The following CDH3 variants were observed in gnomAD, a reference collection of about 807,000 sequenced individuals.
CDH3 encodes the protein cadherin 3, also known as cadherin-3.
A neutral mutation model predicts 82.0 loss-of-function variants in CDH3; 54 were observed. The observed-to-expected ratio is 0.66, with a 90% CI of 0.53 to 0.83. The LOEUF is 0.83. Ranked by LOEUF, CDH3 falls within the 40% of genes least tolerant of loss-of-function variation. CDH3 has a pLI of 0.00. For synonymous variants in CDH3, 446 were observed against 437.9 expected, an observed-to-expected ratio of 1.02 and a Z score of -0.23; for missense variants, 1,054 against 1,084.6, an observed-to-expected ratio of 0.97 and a Z score of 0.40.
chr16:68,724,570 T>G (rs756051152), intron 2 of CDH3, among the ~76,000 whole-genome samples: 1 of 151,526 alleles, frequency 6.6e-6, no homozygotes, highest in African/African-American at 2.4e-5. Context: ...AAGGTTGCAG[T>G]GAGCTATGAT....
intron 2 of CDH3, among the ~76,000 whole-genome samples, chr16:68,673,552 G>C (rs1169367569): frequency 1.3e-5 from 2 of 151,430 alleles, no homozygotes; most frequent in Non-Finnish European, 2.9e-5. Flanking sequence ...TCAAACTCAT[G>C]GGCTCAAATG....
At position 68,668,357 on chromosome 16, in the gene CDH3, A is replaced by G. The variant is rs146712116; in HGVS notation, c.161-8028A>G. On this transcript the variant is annotated intron_variant, in intron 2 of 15. Coordinates refer to ENST00000264012, the MANE Select transcript of CDH3 (RefSeq NM_001793.6). ...CAGGAGTCAGTTTACTTCGCTGACT[A>G]TTAAAAGATGGGGTAAAGGAGGGAT... Among the ~76,000 whole-genome samples, 19 of 152,288 alleles carry G rather than the reference A, an allele frequency of 1.2e-4. No homozygotes were observed. In the East Asian group the frequency reaches 3.5e-3, roughly 28 times the overall value.
In CDH3 at chr16:68,678,887, C is replaced by A; in HGVS notation, c.672C>A (p.Val224=). Residue 224 remains valine, a synonymous_variant, in exon 6 of 16, where the codon GTC becomes GTA. Transcript: ENST00000264012. ...CCCAGGACACCTTCCGAGGGAGTGTCTTAGAGGGAGTCCTACCAGGTAAGA... is the reference window on the plus strand; with the variant it reads ...CCCAGGACACCTTCCGAGGGAGTGTATTAGAGGGAGTCCTACCAGGTAAGA... The part of the protein sequence containing the change: ...KFTQDTFRGS[V]LEGVLPGTSV... The A allele has an allele frequency of 6.2e-7, 1 of 1,613,926 alleles. No individual in the cohort carries two copies. The highest frequency in any genetic ancestry group is 1.1e-5 in the South Asian group (1 of 91,086).
chr16:68,693,365 G>A (rs868799573), intron 13 of CDH3, among the ~76,000 whole-genome samples: 5 of 152,108 alleles, frequency 3.3e-5, no homozygotes, highest in Non-Finnish European at 5.9e-5. Flanking sequence ...AAAGGTGATG[G>A]GAGGCTCAGG....
chr16:68,720,983 C>T (rs1444725096), intron 1 of CDH3, among the ~76,000 whole-genome samples: 1 of 152,114 alleles, frequency 6.6e-6, no homozygotes, highest in African/African-American at 2.4e-5. Flanking sequence ...CCTTATACCA[C>T]TCCTAGATGG....
At chr16:68,685,158 G>T in intron 10 of CDH3, 47 bp from the exon 11 acceptor site, 1 of 1,608,090 alleles carries the variant, frequency 6.2e-7, no homozygotes. Flanking sequence ...GATGACATCA[G>T]AATTCTAAAT....
chr16:68,660,717 G>A (rs1212910788), intron 2 of CDH3, among the ~76,000 whole-genome samples: 1 of 152,164 alleles, frequency 6.6e-6, no homozygotes, highest in Non-Finnish European at 1.5e-5. Flanking sequence ...CCAGCACTCT[G>A]GGAGGCCGAG....
At position 68,698,305 on chromosome 16, in the gene CDH3, G is replaced by A. The variant is rs144117679; in HGVS notation, c.2395G>A (p.Ala799Thr). Residue 799 changes from alanine (A) to threonine (T), a missense_variant, in exon 16 of 16, where the codon GCC (alanine) becomes ACC (threonine). Transcript: ENST00000264012. ...AASLSSLTSS[A>T]SDQDQDYDYL... Reference sequence around the variant, plus strand: ...GTCCCTGAGCTCCCTCACCTCCTCCGCCTCCGACCAAGACCAAGATTACGA... The same window carrying A: ...GTCCCTGAGCTCCCTCACCTCCTCCACCTCCGACCAAGACCAAGATTACGA... 8.0e-5 allele frequency: 129 copies of A among 1,614,090 alleles called. No homozygotes were observed. The highest frequency in any genetic ancestry group is 1.0e-4 in the Non-Finnish European group (121 of 1,180,044).
chr16:68,678,072 G>A (rs1364311836), intron 3 of CDH3, 62 bp from the exon 4 acceptor site: 4 of 1,464,306 alleles, frequency 2.7e-6, no homozygotes, highest in Non-Finnish European at 3.8e-6. Flanking sequence ...TTATAGGTGA[G>A]AGGATGTTGA....
intron 1 of CDH3, among the ~76,000 whole-genome samples, chr16:68,705,876 C>T (rs1961954688): frequency 6.6e-6 from 1 of 151,468 alleles, no homozygotes; most frequent in Admixed American, 6.6e-5. Context: ...CCATTCTGGC[C>T]AACACGGTGA....
chr16:68,655,806 T>A (rs1960397218), intron 2 of CDH3, among the ~76,000 whole-genome samples: 1 of 152,008 alleles, frequency 6.6e-6, no homozygotes, highest in Non-Finnish European at 1.5e-5. Context: ...GAGGTTGCAG[T>A]GAGCTGAGAT....
chr16:68,678,026 GGCGTGAGCTACCAT>G, intron 3 of CDH3, 94 bp from the exon 4 acceptor site: 1 of 1,019,940 alleles, frequency 9.8e-7, no homozygotes, highest in African/African-American at 1.6e-5. Context: ...TGGGATTATA[GGCGTGAGCTACCAT>G]GCCCAGCCAC....
intron 4 of CDH3, 94 bp from the exon 5 acceptor site, chr16:68,678,407 T>C (rs919337127): frequency 6.3e-7 from 1 of 1,583,938 alleles, no homozygotes; most frequent in African/African-American, 1.3e-5. Context: ...GTGAGCAGAT[T>C]CTCCTATGGC....
chr16:68,688,519 C>T (rs1285155383), intron 12 of CDH3, among the ~76,000 whole-genome samples: 12 of 152,096 alleles, frequency 7.9e-5, no homozygotes, highest in Admixed American at 1.3e-4. Context: ...AGCCGGGAGG[C>T]GGAAGTTGCA....
exon 3 of CDH3, among the ~76,000 whole-genome samples, chr16:68,727,214 T>C (rs1962228944): frequency 6.6e-6 from 1 of 152,192 alleles, no homozygotes; most frequent in Admixed American, 6.5e-5. Context: ...GCCTTTTGAC[T>C]CTGGGATTTG....
chr16:68,667,227 CAATCCCTTAACAGA>C (rs1387569215), intron 2 of CDH3, among the ~76,000 whole-genome samples: 1 of 152,162 alleles, frequency 6.6e-6, no homozygotes, highest in East Asian at 1.9e-4. Flanking sequence ...CCTCTTATCC[CAATCCCTTAACAGA>C]AGGTAGTGAT....
intron 2 of CDH3, 70 bp downstream of exon 2, chr16:68,645,820 G>A: frequency 8.3e-7 from 1 of 1,209,708 alleles, no homozygotes; most frequent in Non-Finnish European, 1.2e-6. Context: ...CCGCGCGAGG[G>A]GTGTTCGGGC....
At chr16:68,703,186 A>G (rs1309399196), downstream of CDH3, among the ~76,000 whole-genome samples, 2 of 152,192 alleles carry the variant, frequency 1.3e-5, no homozygotes, top group African/African-American at 2.4e-5. Context: ...CCCTGTCCCC[A>G]CAGTGCGCTT....
At chr16:68,705,730 CTG>C in intron 1 of CDH3, among the ~76,000 whole-genome samples, 1 of 151,172 alleles carries the variant, frequency 6.6e-6, no homozygotes, top group Non-Finnish European at 1.5e-5. Context: ...CCCCAAGACA[CTG>C]TTCTTGGTGC....
Sources: allele counts gnomAD v4.1 joint callset (sites outside exome capture counted in the v4.1 genomes callset), GRCh38; gene constraint gnomAD v4.1.1; transcripts MANE v1.5; gene names NCBI Gene and HGNC (gene_info 2026-07-23, HGNC 2026-07-21).